The following CACNA2D3 variants were observed in gnomAD, a reference collection of about 807,000 sequenced individuals.
CACNA2D3 encodes calcium voltage-gated channel auxiliary subunit alpha2delta 3.
A neutral mutation model predicts 160.6 loss-of-function variants in CACNA2D3; 60 were observed. The ratio of observed to expected loss-of-function variants is 0.37; its 90% CI spans 0.30 to 0.46. The LOEUF (loss-of-function observed/expected upper bound fraction) is 0.46. CACNA2D3 is among the 20% of genes least tolerant of loss of function. The pLI is 1.00. For synonymous variants in CACNA2D3, 558 were observed against 492.9 expected (o/e 1.13, Z -1.75); for missense variants, 1,205 against 1,365.0 (o/e 0.88, Z 1.85).
intron 2 of CACNA2D3, among the ~76,000 whole-genome samples, chr3:54,293,940 A>G (rs1362344380): frequency 6.6e-6 from 1 of 152,222 alleles, no homozygotes; most frequent in Non-Finnish European, 1.5e-5. Flanking sequence ...CATGCCTGAA[A>G]CATTTAAATG....
At chr3:54,345,775 G>T (rs9811393) in intron 3 of CACNA2D3, among the ~76,000 whole-genome samples, 70,493 of 151,688 alleles carry the variant, frequency 0.46, 17,476 homozygotes, top group African/African-American at 0.65. Context: ...CTGTGGAAGA[G>T]TCTAAGTCTT....
At chr3:54,525,359 T>G (rs1701708946) in intron 5 of CACNA2D3, among the ~76,000 whole-genome samples, 1 of 152,128 alleles carries the variant, frequency 6.6e-6, no homozygotes, top group African/African-American at 2.4e-5. Flanking sequence ...TTAAGAAAGG[T>G]GAAGACATGG....
intron 13 of CACNA2D3, among the ~76,000 whole-genome samples, chr3:54,806,232 G>A (rs1449345992): frequency 6.6e-6 from 1 of 152,190 alleles, no homozygotes; most frequent in African/African-American, 2.4e-5. Flanking sequence ...GAAATAAAGA[G>A]TATTCAATTA....
intron 2 of CACNA2D3, among the ~76,000 whole-genome samples, chr3:54,156,163 A>G (rs1057512040): frequency 5.3e-5 from 8 of 152,156 alleles, no homozygotes; most frequent in Non-Finnish European, 7.4e-5. Flanking sequence ...CTGGGTGCAA[A>G]TAGCTTATTT....
At chr3:54,179,768 A>G (rs1167117866) in intron 2 of CACNA2D3, among the ~76,000 whole-genome samples, 1 of 152,186 alleles carries the variant, frequency 6.6e-6, no homozygotes, top group East Asian at 1.9e-4. Flanking sequence ...ACACAATGAG[A>G]AGGTGGCTAT....
Position 54,138,645 on chromosome 3 carries a change from G to A in CACNA2D3, c.204+15051G>A, listed in dbSNP as rs190740338. Among the ~76,000 whole-genome samples the A allele has an allele frequency of 2.8e-3, 421 of 152,236 alleles. 1 individual carries two copies. Among genetic ancestry groups the A allele is most frequent in the African/African-American group, 9.6e-3 (401 of 41,560 alleles). On this transcript the variant is annotated intron_variant, in intron 2 of 37. Coordinates refer to ENST00000474759, the MANE Select transcript of CACNA2D3 (RefSeq NM_018398.3). ...GACCTGGCCCAAGGAGATGTCACCA[G>A]GGTTTGGTGACTGATTGAGTGTATG...
At chr3:54,331,897 G>A (rs781702373) in intron 3 of CACNA2D3, among the ~76,000 whole-genome samples, 2 of 152,126 alleles carry the variant, frequency 1.3e-5, no homozygotes, top group African/African-American at 2.4e-5. Flanking sequence ...CCCATTCATA[G>A]AATCGGCAAA....
intron 3 of CACNA2D3, among the ~76,000 whole-genome samples, chr3:54,322,221 G>A (rs572571611): frequency 5.3e-5 from 8 of 152,232 alleles, no homozygotes; most frequent in Admixed American, 1.3e-4. Context: ...TGAGACATGG[G>A]CTCTGAAAGT....
intron 2 of CACNA2D3, among the ~76,000 whole-genome samples, chr3:54,201,145 A>G (rs1701172128): frequency 6.6e-6 from 1 of 152,236 alleles, no homozygotes; most frequent in African/African-American, 2.4e-5. Context: ...TAATTTCGGA[A>G]TACTGATTAT....
chr3:55,058,725 G>A (rs1704427359), intron 35 of CACNA2D3, among the ~76,000 whole-genome samples: 1 of 152,000 alleles, frequency 6.6e-6, no homozygotes, highest in Non-Finnish European at 1.5e-5. Flanking sequence ...AGAGAATTGT[G>A]TAAAAAATAA....
At chr3:54,134,663 C>G (rs1050088822) in intron 2 of CACNA2D3, among the ~76,000 whole-genome samples, 8 of 152,234 alleles carry the variant, frequency 5.3e-5, no homozygotes, top group African/African-American at 1.9e-4. Flanking sequence ...GCCCCAAAGC[C>G]CTGCAGGCAG....
At position 54,682,180 on chromosome 3, in the gene CACNA2D3, C is replaced by CAT. The variant is rs1445833253; in HGVS notation, c.1167+39940_1167+39941insTA. Among the ~76,000 whole-genome samples, 107 of 152,116 alleles carry CAT rather than the reference C, an allele frequency of 7.0e-4. 1 individual carries two copies. The East Asian group carries it at 0.017, about 24-fold the overall frequency. The stretch of plus-strand genomic sequence containing the variant: ...AGAACAGCACACACACACACACACA[C>CAT]ACACACACACACACCACAAAACCCT... On this transcript the variant is annotated intron_variant, in intron 11 of 37. Coordinates refer to ENST00000474759, the MANE Select transcript of CACNA2D3 (RefSeq NM_018398.3).
intron 13 of CACNA2D3, among the ~76,000 whole-genome samples, chr3:54,810,344 G>A (rs149207678): frequency 1.5e-3 from 222 of 152,334 alleles, no homozygotes; most frequent in Admixed American, 4.1e-3. Flanking sequence ...GGAAGGATGT[G>A]AGACAACCTG....
At chr3:54,350,968 G>GGTTTT (rs1698542647) in intron 3 of CACNA2D3, among the ~76,000 whole-genome samples, 1 of 56,106 alleles carries the variant, frequency 1.8e-5, no homozygotes, top group Non-Finnish European at 3.5e-5. Context: ...TCTTGAGTCT[G>GGTTTT]TTTTTTTTTT....
At chr3:55,072,025 T>C (rs1463043775) in intron 35 of CACNA2D3, among the ~76,000 whole-genome samples, 1 of 152,224 alleles carries the variant, frequency 6.6e-6, no homozygotes, top group African/African-American at 2.4e-5. Flanking sequence ...GGAGTAACAT[T>C]CTTGCATAGG....
chr3:54,608,656 A>C, intron 9 of CACNA2D3, among the ~76,000 whole-genome samples: 1 of 152,240 alleles, frequency 6.6e-6, no homozygotes, highest in East Asian at 1.9e-4. Flanking sequence ...TGGAAATCTC[A>C]GTGGTAGTGC....
chr3:54,952,877 G>A (rs1441378909), intron 27 of CACNA2D3, among the ~76,000 whole-genome samples: 1 of 152,172 alleles, frequency 6.6e-6, no homozygotes, highest in African/African-American at 2.4e-5. Flanking sequence ...AATGTTCTGG[G>A]TGGTTGAGAT....
chr3:54,330,145 A>G (rs1704213677), intron 3 of CACNA2D3, among the ~76,000 whole-genome samples: 1 of 152,110 alleles, frequency 6.6e-6, no homozygotes, highest in African/African-American at 2.4e-5. Flanking sequence ...ATAGATGAAC[A>G]TGCAAGGCTT....
chr3:54,445,944 A>G (rs1008493757), intron 4 of CACNA2D3, among the ~76,000 whole-genome samples: 1 of 152,122 alleles, frequency 6.6e-6, no homozygotes, highest in African/African-American at 2.4e-5. Context: ...GCCTGTCCTA[A>G]AAGATGCCCT....
Sources: allele counts gnomAD v4.1 joint callset (sites outside exome capture counted in the v4.1 genomes callset), GRCh38; gene constraint gnomAD v4.1.1; transcripts MANE v1.5; gene names NCBI Gene and HGNC (gene_info 2026-07-23, HGNC 2026-07-21).